Variants in WDR76 observed in about 807,000 individuals in gnomAD.
WDR76 encodes the protein WD repeat domain 76.
Under a neutral mutation model 70.2 loss-of-function variants are expected in WDR76, and 52 were observed. The ratio of observed to expected loss-of-function variants is 0.74; its 90% CI spans 0.59 to 0.93. WDR76 has a LOEUF of 0.93. Ranked by LOEUF, WDR76 falls within the 40% of genes least tolerant of loss-of-function variation. The pLI, the probability that WDR76 is intolerant of heterozygous loss-of-function variation, is 0.00. For missense variants in WDR76, 756 were observed against 760.2 expected, an observed-to-expected ratio of 0.99 and a Z score of 0.07; for synonymous variants, 292 against 271.1, an observed-to-expected ratio of 1.08 and a Z score of -0.76.
intron 2 of WDR76, among the ~76,000 whole-genome samples, chr15:43,829,486 C>T (rs1318400269): frequency 6.8e-6 from 1 of 147,534 alleles, no homozygotes; most frequent in Non-Finnish European, 1.5e-5. Flanking sequence ...GGGTTGAGAG[C>T]CTAGCATGGC....
At position 43,827,263 on chromosome 15, in the gene WDR76, T is replaced by C. The variant is rs1596062472; in HGVS notation, c.60+171T>C. 9.6e-6 allele frequency: 7 copies of C among 728,390 alleles called. No individual in the cohort carries two copies. The East Asian group carries it at 1.4e-4, about 14-fold the overall frequency. The allele number at this position is 728,390 out of a possible 1,614,324, so 45.1% of individuals were successfully genotyped here. On this transcript the variant is annotated intron_variant, in intron 1 of 12. Transcript: ENST00000263795. ...AGGTTCTTATCAATAACCCGAGAAA[T>C]AGTGGGAGAGTCACATCTGGGATTC...
chr15:43,848,930 C>CTTT (rs534839516), intron 8 of WDR76, among the ~76,000 whole-genome samples: 2 of 127,138 alleles, frequency 1.6e-5, no homozygotes, highest in African/African-American at 5.8e-5. Flanking sequence ...AGAGTTGAGA[C>CTTT]TTTTTTTTTT....
chr15:43,854,643 G>A (rs1372936040), intron 9 of WDR76, among the ~76,000 whole-genome samples: 1 of 152,084 alleles, frequency 6.6e-6, no homozygotes, highest in Non-Finnish European at 1.5e-5. Context: ...GTACACATGT[G>A]TAACTATCGT....
chr15:43,853,262 C>G (rs992299428), intron 9 of WDR76, among the ~76,000 whole-genome samples: 1 of 151,990 alleles, frequency 6.6e-6, no homozygotes, highest in African/African-American at 2.4e-5. Flanking sequence ...TTGATCTCGG[C>G]TCACCGCAGC....
chr15:43,854,051 A>T (rs923508502), intron 9 of WDR76, among the ~76,000 whole-genome samples: 1 of 152,058 alleles, frequency 6.6e-6, no homozygotes, highest in Non-Finnish European at 1.5e-5. Flanking sequence ...CTTGCCAGTA[A>T]TAAGTGTTGA....
At position 43,855,017 on chromosome 15, in the gene WDR76, T is replaced by G. The variant is rs112251468; in HGVS notation, c.1192-1929T>G. 3.3e-3 allele frequency among the ~76,000 whole-genome samples: 503 copies of G among 152,180 alleles called. 1 individual carries two copies. The highest frequency in any genetic ancestry group is 6.3e-3 in the Non-Finnish European group (426 of 68,010). On this transcript the variant is annotated intron_variant, in intron 9 of 12. Transcript: ENST00000263795. Reference sequence around the variant, plus strand: ...ACGTCATGACCTTTTGTAGTCATTCTCCTCCCATTGCCTGCAATCCCTGGC... The same window carrying G: ...ACGTCATGACCTTTTGTAGTCATTCGCCTCCCATTGCCTGCAATCCCTGGC...
chr15:43,842,509 T>C lies in WDR76; in HGVS notation c.827T>C (p.Met276Thr), dbSNP rs1445933821. Residue 276 changes from methionine to threonine, a missense_variant, in exon 6 of 13, where the codon ATG (methionine) becomes ACG (threonine). Transcript: ENST00000263795. ...FKGFLHTWAG[M>T]SKPSSKNTEK... ...GGATTTCTGCACACATGGGCAGGAA[T>C]GAGCAAGGTATCACTTGGGAAGGCC... is the stretch of plus-strand genomic sequence containing the variant. The C allele has an allele frequency of 6.2e-7, 1 of 1,613,606 alleles. No individual in the cohort carries two copies. The highest frequency in any genetic ancestry group is 8.5e-7 in the Non-Finnish European group (1 of 1,179,844).
In WDR76 at chr15:43,867,501, G is replaced by GT. The variant is rs1235016827; in HGVS notation, c.*1111dup. The GT allele has an allele frequency of 6.6e-6, 1 of 151,788 alleles. No individual in the cohort carries two copies. Among genetic ancestry groups the GT allele is most frequent in the Non-Finnish European group, 1.5e-5 (1 of 67,990 alleles). 9.4% of individuals were successfully genotyped at this position (151,788 alleles called of 1,614,324 possible). Reference sequence around the variant, plus strand: ...AGTAAGTATTGTTTGGTAAAACTTAGTTACATATGCATATATATTTGTTAG... The same window carrying GT: ...AGTAAGTATTGTTTGGTAAAACTTAGTTTACATATGCATATATATTTGTTAG... On this transcript the variant is annotated 3_prime_UTR_variant, in exon 13 of 13. Transcript: ENST00000263795.
intron 2 of WDR76, 123 bp from the exon 3 acceptor site, chr15:43,834,938 A>C (rs577193457): frequency 2.5e-6 from 2 of 809,860 alleles, no homozygotes; most frequent in East Asian, 5.4e-5. Flanking sequence ...AGATGATGAA[A>C]TGAATAGAGA....
intron 4 of WDR76, among the ~76,000 whole-genome samples, chr15:43,837,706 G>GTACA (rs2087674421): frequency 6.6e-6 from 1 of 151,934 alleles, no homozygotes; most frequent in Admixed American, 6.6e-5. Flanking sequence ...ATATAAAAAG[G>GTACA]TACATATAAT....
At chr15:43,836,239 C>T (rs748139123) in intron 4 of WDR76, 23 bp downstream of exon 4, 1 of 1,600,212 alleles carries the variant, frequency 6.2e-7, no homozygotes, top group South Asian at 1.1e-5. Flanking sequence ...GTTTGCAATG[C>T]CTGAACCATG....
Position 43,858,812 on chromosome 15 carries a change from T to C in WDR76, c.1551T>C (p.Asp517=), listed in dbSNP as rs2087962393. ...TGNRVVTTCA[D]CNLRIFDSSC... ...ACAGAGTGGTGACCACATGTGCTGA[T>C]TGTAATCTGAGGTAAATTGGGAAGG... The change falls in exon 11 of 13, where the codon GAT becomes GAC. Residue 517 remains aspartate, a synonymous_variant. Transcript: ENST00000263795. 1 of 1,613,200 alleles carries C rather than the reference T, an allele frequency of 6.2e-7. No individual in the cohort carries two copies. The highest frequency in any genetic ancestry group is 8.5e-7 in the Non-Finnish European group (1 of 1,179,814).
rs2087853404 is a variant in WDR76 at position 43,851,107 on chromosome 15, T to C, written c.1053T>C (p.Asp351=). The C allele has an allele frequency of 6.2e-7, 1 of 1,614,106 alleles. No homozygotes were observed. The highest frequency in any genetic ancestry group is 8.5e-7 in the Non-Finnish European group (1 of 1,180,022). ...LCDLTQQPKE[D]GVYVFHPHSQ... ...TCCAGACCCAGCAACCTAAAGAAGA[T>C]GGAGTTTATGTTTTTCATCCCCATA... is the stretch of plus-strand genomic sequence containing the variant. Residue 351 remains aspartate, a synonymous_variant, in exon 9 of 13, where the codon GAT becomes GAC. Transcript: ENST00000263795.
intron 11 of WDR76, among the ~76,000 whole-genome samples, chr15:43,860,451 G>A (rs1246656373): frequency 2.0e-5 from 3 of 152,150 alleles, no homozygotes; most frequent in Admixed American, 6.5e-5. Context: ...TCAGATGATC[G>A]CTTTAGAATG....
At chr15:43,849,691 C>T (rs2140306914) in intron 8 of WDR76, among the ~76,000 whole-genome samples, 1 of 152,288 alleles carries the variant, frequency 6.6e-6, no homozygotes, top group East Asian at 1.9e-4. Flanking sequence ...GTGTCTGCCA[C>T]CACGCCCGGC....
intron 8 of WDR76, among the ~76,000 whole-genome samples, chr15:43,850,286 T>C (rs2087840693): frequency 6.6e-6 from 1 of 151,112 alleles, no homozygotes; most frequent in Non-Finnish European, 1.5e-5. Context: ...TATTTTATTT[T>C]ATTTTATTTT....
Position 43,866,019 on chromosome 15 carries a change from A to G in WDR76, c.1617-109A>G. 7.4e-6 allele frequency: 10 copies of G among 1,343,460 alleles called. No homozygotes were observed. In the South Asian group the frequency reaches 1.4e-4, roughly 19 times the overall value. The allele number at this position is 1,343,460 out of a possible 1,614,324, so 83.2% of individuals were successfully genotyped here. A position where few individuals can be genotyped will look rare whatever the true frequency, so the allele number is the denominator to read the frequency against. On this transcript the variant is annotated intron_variant, in intron 12 of 12. Coordinates refer to ENST00000263795, the MANE Select transcript of WDR76 (RefSeq NM_024908.4). Reference sequence around the variant, plus strand: ...TAACTCAGTAACTTAATGAGAAGAAACTTGGCAGAGAAAACTAGCATTTAG... The same window carrying G: ...TAACTCAGTAACTTAATGAGAAGAAGCTTGGCAGAGAAAACTAGCATTTAG...
intron 2 of WDR76, among the ~76,000 whole-genome samples, chr15:43,830,669 A>G (rs2141721060): frequency 6.6e-6 from 1 of 152,206 alleles, no homozygotes; most frequent in African/African-American, 2.4e-5. Flanking sequence ...CCTAAAGAAA[A>G]AAAAAAGGAG....
intron 8 of WDR76, among the ~76,000 whole-genome samples, chr15:43,848,334 C>G (rs2087814113): frequency 6.6e-6 from 1 of 152,210 alleles, no homozygotes; most frequent in African/African-American, 2.4e-5. Flanking sequence ...AGAAACAAAT[C>G]TGTAGCAGAG....
Sources: allele counts gnomAD v4.1 joint callset (sites outside exome capture counted in the v4.1 genomes callset), GRCh38; gene constraint gnomAD v4.1.1; transcripts MANE v1.5; gene names NCBI Gene and HGNC (gene_info 2026-07-23, HGNC 2026-07-21).